The following TSPAN7 variants were observed in gnomAD, a reference collection of about 807,000 sequenced individuals.
TSPAN7 encodes tetraspanin 7.
A neutral mutation model predicts 17.6 loss-of-function variants in TSPAN7; 1 was observed. The ratio of observed to expected loss-of-function variants is 0.06; its 90% confidence interval spans 0.02 to 0.27. TSPAN7 has a LOEUF of 0.27. TSPAN7 is among the 10% of genes least tolerant of loss of function. The probability of loss-of-function intolerance (pLI) is 1.00; values close to 1 mark genes in which losing one functional copy is unlikely to be tolerated. For missense variants in TSPAN7, 112 were observed against 201.7 expected, an observed-to-expected ratio of 0.56 and a Z score of 2.69; for synonymous variants, 78 against 79.0, an observed-to-expected ratio of 0.99 and a Z score of 0.07.
intron 6 of TSPAN7, among the ~76,000 whole-genome samples, chrX:38,682,062 T>C (rs2147458536): frequency 1.8e-5 from 2 of 112,799 alleles, no homozygotes; most frequent in Non-Finnish European, 3.7e-5. Flanking sequence ...CATGTATAGT[T>C]AACAAGCAAG....
intron 2 of TSPAN7, 63 bp downstream of exon 2, chrX:38,666,372 T>C (rs2069781794): frequency 8.9e-6 from 10 of 1,120,508 alleles, no homozygotes; most frequent in Non-Finnish European, 1.2e-5. Flanking sequence ...ATAAATTACA[T>C]GGAGGTGAAG....
intron 1 of TSPAN7, among the ~76,000 whole-genome samples, chrX:38,603,813 TTTTA>T (rs1420857899): frequency 2.7e-5 from 3 of 110,023 alleles, no homozygotes; most frequent in African/African-American, 3.3e-5. Context: ...GAATTTAATA[TTTTA>T]TTTATTTTTT....
intron 1 of TSPAN7, among the ~76,000 whole-genome samples, chrX:38,576,345 C>T (rs889027848): frequency 8.9e-6 from 1 of 111,835 alleles, no homozygotes; most frequent in Non-Finnish European, 1.9e-5. Flanking sequence ...ATAAATTAAC[C>T]GCCTGAGCAC....
rs199756004 is a variant in TSPAN7 at position 38,654,691 on chromosome X, G to A, written c.82-11430G>A. Reference sequence around the variant, plus strand: ...TTTAACTAAGCCCCTCCTGTGAGCCGGCATTTGTATTGGCCCTGGGGATAC... The same window carrying A: ...TTTAACTAAGCCCCTCCTGTGAGCCAGCATTTGTATTGGCCCTGGGGATAC... On this transcript the variant is annotated intron_variant, in intron 1 of 7. Coordinates refer to ENST00000378482, the MANE Select transcript of TSPAN7 (RefSeq NM_004615.4). Among the ~76,000 whole-genome samples, 3 of 102,936 alleles carry A rather than the reference G, an allele frequency of 2.9e-5. No individual in the cohort carries two copies. The East Asian group carries it at 9.9e-4, about 34-fold the overall frequency. The allele number at this position is 102,936 out of a possible 115,157, so 89.4% of individuals were successfully genotyped here. A position where few individuals can be genotyped will look rare whatever the true frequency, so the allele number is the denominator to read the frequency against.
intron 1 of TSPAN7, among the ~76,000 whole-genome samples, chrX:38,613,840 G>T (rs2069435932): frequency 9.0e-6 from 1 of 111,222 alleles, no homozygotes; most frequent in African/African-American, 3.3e-5. Context: ...TCTGTGGAAT[G>T]GAAAGGGGAG....
Position 38,637,074 on chromosome X carries a change from A to G in TSPAN7, c.82-29047A>G, listed in dbSNP as rs144385427. 4.5e-5 allele frequency among the ~76,000 whole-genome samples: 5 copies of G among 111,744 alleles called. No homozygotes were observed. In the East Asian group the frequency reaches 1.1e-3, roughly 25 times the overall value. ...CTATGTAAGAAATAACCCCTTCATA[A>G]TTGAGGCTCATTGTTACATCCTGAC... On this transcript the variant is annotated intron_variant, in intron 1 of 7. Coordinates refer to ENST00000378482, the MANE Select transcript of TSPAN7 (RefSeq NM_004615.4).
intron 1 of TSPAN7, among the ~76,000 whole-genome samples, chrX:38,569,103 C>T (rs1358975873): frequency 9.0e-6 from 1 of 111,050 alleles, no homozygotes; most frequent in Non-Finnish European, 1.9e-5. Flanking sequence ...TCATGTTTTG[C>T]TCTTTTTTCT....
intron 1 of TSPAN7, among the ~76,000 whole-genome samples, chrX:38,661,408 G>A (rs904537306): frequency 3.6e-5 from 4 of 112,236 alleles, no homozygotes; most frequent in African/African-American, 1.3e-4. Flanking sequence ...TCATCACCAA[G>A]CCTAAATTAA....
intron 1 of TSPAN7, among the ~76,000 whole-genome samples, chrX:38,649,743 C>T (rs1483859982): frequency 8.9e-6 from 1 of 112,186 alleles, no homozygotes; most frequent in African/African-American, 3.2e-5. Flanking sequence ...TCAGGCTGAA[C>T]ACATAGGCTG....
At chrX:38,662,064 G>A (rs925874405) in intron 1 of TSPAN7, among the ~76,000 whole-genome samples, 2 of 111,492 alleles carry the variant, frequency 1.8e-5, no homozygotes, top group Middle Eastern at 4.3e-3. Flanking sequence ...CAGTTAGAGT[G>A]TTTTATGGAT....
chrX:38,649,926 T>C (rs7057168), intron 1 of TSPAN7, among the ~76,000 whole-genome samples: 5,113 of 111,914 alleles, frequency 0.046, 290 homozygotes, highest in African/African-American at 0.16. Context: ...TCACAGCTGA[T>C]GGCTTCCGGG....
chrX:38,650,382 G>T (rs1463877807), intron 1 of TSPAN7, among the ~76,000 whole-genome samples: 1 of 112,674 alleles, frequency 8.9e-6, no homozygotes, highest in Non-Finnish European at 1.9e-5. Context: ...ATATAGCCAT[G>T]GTGCCTGCTG....
chrX:38,638,461 A>G (rs1304746634), intron 1 of TSPAN7, among the ~76,000 whole-genome samples: 1 of 112,494 alleles, frequency 8.9e-6, no homozygotes, highest in Non-Finnish European at 1.9e-5. Context: ...TGAGAAAGCC[A>G]TGTTTAAGCT....
chrX:38,578,145 G>T (rs948460969), intron 1 of TSPAN7, among the ~76,000 whole-genome samples: 1 of 111,482 alleles, frequency 9.0e-6, no homozygotes, highest in African/African-American at 3.3e-5. Context: ...AAAGGAGGGG[G>T]TTGGGGTGGA....
At chrX:38,661,793 C>T (rs1347762467) in intron 1 of TSPAN7, among the ~76,000 whole-genome samples, 3 of 109,744 alleles carry the variant, frequency 2.7e-5, no homozygotes, top group South Asian at 4.0e-4. Context: ...TGGTGAACTC[C>T]GAACTTACTC....
At chrX:38,593,065 A>G (rs1271408036) in intron 1 of TSPAN7, among the ~76,000 whole-genome samples, 2 of 110,541 alleles carry the variant, frequency 1.8e-5, no homozygotes, top group Non-Finnish European at 3.8e-5. Flanking sequence ...TTATTTTTGT[A>G]TTTTAAAGAT....
rs7880777 is a variant in TSPAN7, at chrX:38,638,472, G to C, written c.82-27649G>C. 2.5e-3 allele frequency among the ~76,000 whole-genome samples: 283 copies of C among 112,307 alleles called. 2 individuals carry two copies. The highest frequency in any genetic ancestry group is 8.9e-3 in the African/African-American group (276 of 30,918). ...GTTTTGAGAAAGCCATGTTTAAGCTGTATATGTGTACGTATATGGATATTC... is the reference window on the plus strand; with the variant it reads ...GTTTTGAGAAAGCCATGTTTAAGCTCTATATGTGTACGTATATGGATATTC... On this transcript the variant is annotated intron_variant, in intron 1 of 7. Coordinates refer to ENST00000378482, the MANE Select transcript of TSPAN7 (RefSeq NM_004615.4).
chrX:38,654,127 G>A (rs1443236767), intron 1 of TSPAN7, among the ~76,000 whole-genome samples: 1 of 111,824 alleles, frequency 8.9e-6, no homozygotes, highest in East Asian at 2.8e-4. Context: ...GAAAGCAGTA[G>A]TGGAGGGTCA....
intron 1 of TSPAN7, among the ~76,000 whole-genome samples, chrX:38,577,702 T>A (rs776839241): frequency 1.9e-5 from 2 of 103,123 alleles, no homozygotes; most frequent in South Asian, 5.0e-4. Flanking sequence ...TTAGGAGATA[T>A]ACCTAATGCT....
Sources: gnomAD v4.1 joint callset for allele counts (sites outside exome capture counted in the v4.1 genomes callset) on GRCh38, gnomAD v4.1.1 for gene constraint, MANE v1.5 for transcripts, NCBI Gene and HGNC (gene_info 2026-07-23, HGNC 2026-07-21) for gene names.